Variants in C6orf163 observed in about 807,000 individuals in gnomAD.
C6orf163 encodes the protein chromosome 6 open reading frame 163, also known as uncharacterized protein C6orf163.
Under a neutral mutation model 28.4 loss-of-function variants are expected in C6orf163, and 22 were observed. The ratio of observed to expected loss-of-function variants is 0.78; its 90% CI spans 0.55 to 1.11. C6orf163 has a LOEUF of 1.11. Among genes scored for constraint, C6orf163 ranks in the 50% least tolerant of loss-of-function variants. The pLI is 0.00. For missense variants in C6orf163, 342 were observed against 389.1 expected (o/e 0.88, Z 1.02); for synonymous variants, 110 against 123.6 (o/e 0.89, Z 0.73).
chr6:87,347,953 C>T (rs987239005), intron 1 of C6orf163: 11 of 783,850 alleles, frequency 1.4e-5, no homozygotes, highest in South Asian at 5.8e-5. Flanking sequence ...GTCAAGAGTT[C>T]GAGACCAGCC....
intron 4 of C6orf163, among the ~76,000 whole-genome samples, chr6:87,360,927 C>T (rs1777571465): frequency 6.6e-6 from 1 of 152,124 alleles, no homozygotes; most frequent in African/African-American, 2.4e-5. Context: ...GCACCCCACC[C>T]CACTCCTGGC....
chr6:87,349,025 G>A, intron 2 of C6orf163, 119 bp downstream of exon 2: 4 of 1,297,772 alleles, frequency 3.1e-6, no homozygotes, highest in Non-Finnish European at 4.1e-6. Context: ...GCTAGCTGTG[G>A]GACATTGGGC....
intron 3 of C6orf163, among the ~76,000 whole-genome samples, chr6:87,354,085 C>G (rs1212605185): frequency 6.6e-6 from 1 of 152,182 alleles, no homozygotes; most frequent in African/African-American, 2.4e-5. Flanking sequence ...TCTCGAACTC[C>G]TGGCCTCCAA....
At chr6:87,355,549 A>T (rs1777487082) in intron 3 of C6orf163, among the ~76,000 whole-genome samples, 1 of 152,196 alleles carries the variant, frequency 6.6e-6, no homozygotes, top group African/African-American at 2.4e-5. Context: ...CAACAGAATG[A>T]GAACCTGTCT....
intron 4 of C6orf163, among the ~76,000 whole-genome samples, chr6:87,362,162 C>G (rs1777589372): frequency 6.6e-6 from 1 of 152,156 alleles, no homozygotes; most frequent in Non-Finnish European, 1.5e-5. Context: ...TCACCTGTTA[C>G]AAGGGAATAG....
intron 3 of C6orf163, among the ~76,000 whole-genome samples, chr6:87,352,035 T>A (rs1207383412): frequency 6.6e-6 from 1 of 152,222 alleles, no homozygotes; most frequent in East Asian, 1.9e-4. Context: ...TGAGTGGAGT[T>A]GAGGTACTTA....
At chr6:87,353,947 GTTCAAGTGA>G (rs1428601441) in intron 3 of C6orf163, among the ~76,000 whole-genome samples, 1 of 152,170 alleles carries the variant, frequency 6.6e-6, no homozygotes, top group Non-Finnish European at 1.5e-5. Flanking sequence ...TGCCTCCTGA[GTTCAAGTGA>G]TTCTCCTGCC....
chr6:87,355,212 A>G (rs1446589143), intron 3 of C6orf163, among the ~76,000 whole-genome samples: 1 of 152,220 alleles, frequency 6.6e-6, no homozygotes, highest in Non-Finnish European at 1.5e-5. Context: ...GATGTGCTAT[A>G]TGAAATAACT....
chr6:87,357,221 A>G (rs1036846148), intron 4 of C6orf163: 1 of 152,192 alleles, frequency 6.6e-6, no homozygotes, highest in African/African-American at 2.4e-5. Context: ...CTATTTCTAT[A>G]TATGTAATGA....
chr6:87,348,956 C>A, intron 2 of C6orf163, 50 bp downstream of exon 2: 1 of 1,530,324 alleles, frequency 6.5e-7, no homozygotes, highest in Non-Finnish European at 8.7e-7. Context: ...CGTTCTTTCA[C>A]ATTTTGGATT....
chr6:87,352,124 G>A lies in C6orf163; in HGVS notation c.351+1623G>A, dbSNP rs368820277. 1.6e-4 allele frequency among the ~76,000 whole-genome samples: 24 copies of A among 152,292 alleles called. No homozygotes were observed. In the East Asian group the frequency reaches 1.7e-3, roughly 11 times the overall value. On this transcript the variant is annotated intron_variant, in intron 3 of 4. Coordinates refer to ENST00000388923, the MANE Select transcript of C6orf163 (RefSeq NM_001010868.3). ...ACCTTCCTGAAATATTTGTCCGGGG[G>A]TTGAGAATTTACATTTATACCACCA...
chr6:87,362,244 A>G (rs368829673), intron 4 of C6orf163, among the ~76,000 whole-genome samples: 5 of 152,230 alleles, frequency 3.3e-5, no homozygotes, highest in East Asian at 1.9e-4. Flanking sequence ...TGGGAGACCA[A>G]GGCGGGTGGA....
At chr6:87,347,253 G>A (rs988146223) in intron 1 of C6orf163, 2 of 261,178 alleles carry the variant, frequency 7.7e-6, no homozygotes, top group Admixed American at 6.5e-5. Flanking sequence ...TCTTCACTCA[G>A]CACAATGCCC....
At chr6:87,362,662 C>T (rs1028990992) in intron 4 of C6orf163, among the ~76,000 whole-genome samples, 5 of 152,018 alleles carry the variant, frequency 3.3e-5, no homozygotes, top group African/African-American at 7.3e-5. Flanking sequence ...ATAGTGGCTA[C>T]GGAGGCTAAA....
At chr6:87,349,057 C>T (rs1448288262) in intron 2 of C6orf163, among the ~76,000 whole-genome samples, 151 bp downstream of exon 2, 1 of 152,152 alleles carries the variant, frequency 6.6e-6, no homozygotes, top group African/African-American at 2.4e-5. Flanking sequence ...CCTCTGTAGT[C>T]TTGGTTTCTT....
At chr6:87,355,520 C>A (rs959663301) in intron 3 of C6orf163, among the ~76,000 whole-genome samples, 1 of 151,964 alleles carries the variant, frequency 6.6e-6, no homozygotes, top group Non-Finnish European at 1.5e-5. Context: ...GTGATTGTGC[C>A]ATTGCCCCCC....
At chr6:87,345,738 A>G (rs960440167) in intron 1 of C6orf163, among the ~76,000 whole-genome samples, 5 of 152,024 alleles carry the variant, frequency 3.3e-5, no homozygotes, top group African/African-American at 9.7e-5. Flanking sequence ...CCTGGCCAAC[A>G]TGGCGAAACC....
rs148735377 is a variant in C6orf163, at chr6:87,348,683, T to C, written c.149-129T>C. On this transcript the variant is annotated intron_variant, in intron 1 of 4. Transcript: ENST00000388923. ...ACTCTTTCAATGGGTATCTTTGAAA[T>C]ATATATACTGGCATCTCCTAAAAGG... The C allele has an allele frequency of 5.4e-4, 770 of 1,424,234 alleles. 2 individuals are homozygous for C. The African/African-American group carries it at 1.0e-2, about 18-fold the overall frequency. 88.2% of individuals were successfully genotyped at this position (1,424,234 alleles called of 1,614,324 possible). A position where few individuals can be genotyped will look rare whatever the true frequency, so the allele number is the denominator to read the frequency against.
intron 4 of C6orf163, 65 bp from the exon 5 acceptor site, chr6:87,364,896 G>T (rs1474742466): frequency 8.0e-7 from 1 of 1,249,574 alleles, no homozygotes; most frequent in Non-Finnish European, 1.1e-6. Context: ...TGCGTTTAAA[G>T]ATGAAATTAT....
Sources: gnomAD v4.1 joint callset for allele counts (sites outside exome capture counted in the v4.1 genomes callset) on GRCh38, gnomAD v4.1.1 for gene constraint, MANE v1.5 for transcripts, NCBI Gene and HGNC (gene_info 2026-07-23, HGNC 2026-07-21) for gene names.